STOX2: variants seen among roughly 807,000 people sequenced by gnomAD.
The protein encoded by STOX2 is storkhead-box protein 2.
In STOX2, 28 loss-of-function variants were observed where a neutral mutation model predicts 60.9. The ratio of observed to expected loss-of-function variants is 0.46; its 90% CI spans 0.34 to 0.63. STOX2 has a LOEUF of 0.63. STOX2 is among the 30% of genes least tolerant of loss of function. The pLI is 0.01. For missense variants in STOX2, 1,024 were observed against 1,187.7 expected (o/e 0.86, Z 2.03); for synonymous variants, 472 against 463.9 (o/e 1.02, Z -0.22).
chr4:183,917,623 C>A (rs576658622), intron 1 of STOX2, among the ~76,000 whole-genome samples: 2 of 152,328 alleles, frequency 1.3e-5, no homozygotes, highest in East Asian at 3.8e-4. Context: ...AGACAAGGGG[C>A]AGATGTGGAT....
At chr4:183,889,164 C>A (rs933726550) in intron 1 of STOX2, among the ~76,000 whole-genome samples, 1 of 151,916 alleles carries the variant, frequency 6.6e-6, no homozygotes. Flanking sequence ...AAGTCCTAAC[C>A]ACCTATAGCT....
chr4:183,814,257 T>A (rs868420476), intron 1 of STOX2, among the ~76,000 whole-genome samples: 8 of 152,224 alleles, frequency 5.3e-5, no homozygotes, highest in Middle Eastern at 3.2e-3. Context: ...TGATATATAA[T>A]GTCACTTAGA....
chr4:183,905,193 C>G (rs1415231855), upstream of STOX2, among the ~76,000 whole-genome samples: 2 of 152,246 alleles, frequency 1.3e-5, no homozygotes, highest in African/African-American at 4.8e-5. Context: ...GGCGTGACCT[C>G]CGGGTCCCAG....
upstream of STOX2, among the ~76,000 whole-genome samples, chr4:183,902,993 G>C (rs1741495792): frequency 6.6e-6 from 1 of 152,130 alleles, no homozygotes; most frequent in African/African-American, 2.4e-5. Context: ...TCTTTCATAT[G>C]AACAATTAAT....
intron 1 of STOX2, among the ~76,000 whole-genome samples, chr4:183,938,085 G>A (rs535475211): frequency 4.6e-5 from 7 of 152,238 alleles, no homozygotes; most frequent in African/African-American, 1.7e-4. Flanking sequence ...GAAGGTCGAG[G>A]CTGCAGTGAG....
chr4:183,807,228 T>G (rs1411368303), intron 1 of STOX2, among the ~76,000 whole-genome samples: 1 of 152,188 alleles, frequency 6.6e-6, no homozygotes, highest in Non-Finnish European at 1.5e-5. Context: ...CGTCTTGGCC[T>G]CCCAAAGTGC....
intron 1 of STOX2, among the ~76,000 whole-genome samples, chr4:183,890,625 T>C (rs1741187504): frequency 6.6e-6 from 1 of 150,882 alleles, no homozygotes; most frequent in Non-Finnish European, 1.5e-5. Context: ...AATAAAATAC[T>C]GAGCAACTCA....
rs1399867668 is a variant in STOX2, at chr4:184,001,656, A to T, written c.319+179A>T. On this transcript the variant is annotated intron_variant, in intron 2 of 3. Transcript: ENST00000308497. This position sits in a 1 kb window ranked among gnomAD's most constrained non-coding sequence, Gnocchi z 4.2. ...TCAGGCACCTGCATGACATCAAAAA[A>T]TAACTTAACTGCTTCAGCTGTAATA... Among the ~76,000 whole-genome samples, 1 of 152,184 alleles carries T rather than the reference A, an allele frequency of 6.6e-6. No individual in the cohort carries two copies. The highest frequency in any genetic ancestry group is 1.5e-5 in the Non-Finnish European group (1 of 68,032).
intron 1 of STOX2, among the ~76,000 whole-genome samples, chr4:183,989,013 C>T (rs1434561829): frequency 6.6e-6 from 1 of 152,184 alleles, no homozygotes; most frequent in Non-Finnish European, 1.5e-5. Flanking sequence ...CAGCCCAGGT[C>T]ATCCCAGAGC....
At chr4:183,911,217 G>T (rs1741771253) in intron 1 of STOX2, among the ~76,000 whole-genome samples, 1 of 152,172 alleles carries the variant, frequency 6.6e-6, no homozygotes, top group Admixed American at 6.5e-5. Context: ...TGTGGGAATA[G>T]TGCTCATTTT....
At chr4:183,842,843 T>C (rs2033623) in intron 1 of STOX2, among the ~76,000 whole-genome samples, 1 of 151,674 alleles carries the variant, frequency 6.6e-6, no homozygotes, top group Non-Finnish European at 1.5e-5. Context: ...CTTTTTTTTT[T>C]TTTTTGAAAT....
At chr4:183,902,378 C>T (rs1015859115), upstream of STOX2, among the ~76,000 whole-genome samples, 9 of 152,152 alleles carry the variant, frequency 5.9e-5, no homozygotes, top group Admixed American at 6.5e-5. Flanking sequence ...TCTAATCTGT[C>T]TGATATGAAA....
rs552717800 is a variant in STOX2, at chr4:184,017,606, A to G, written c.*322A>G. 5.5e-6 allele frequency: 1 copy of G among 182,304 alleles called. No homozygotes were observed. The highest frequency in any genetic ancestry group is 1.9e-4 in the South Asian group (1 of 5,340). The allele number at this position is 182,304 out of a possible 1,614,324, so 11.3% of individuals were successfully genotyped here. On this transcript the variant is annotated 3_prime_UTR_variant, in exon 4 of 4. Coordinates refer to ENST00000308497, the MANE Select transcript of STOX2 (RefSeq NM_020225.3). ...GCATTTTCAATGTCATGCAGTTGCC[A>G]ATTCCATTTTAAAATGCCACAGATG...
intron 1 of STOX2, among the ~76,000 whole-genome samples, chr4:183,882,055 A>G (rs1236821321): frequency 6.6e-6 from 1 of 152,250 alleles, no homozygotes; most frequent in African/African-American, 2.4e-5. Flanking sequence ...CTATGTGAGA[A>G]GTATGAGTAA....
intron 1 of STOX2, among the ~76,000 whole-genome samples, chr4:183,984,639 T>C (rs1732773635): frequency 6.6e-6 from 1 of 152,226 alleles, no homozygotes; most frequent in Non-Finnish European, 1.5e-5. Flanking sequence ...TCTAAGAGCA[T>C]GCGAGACCAT....
intron 1 of STOX2, among the ~76,000 whole-genome samples, chr4:183,987,326 G>A (rs935257622): frequency 7.2e-5 from 11 of 151,916 alleles, no homozygotes; most frequent in African/African-American, 2.7e-4. Flanking sequence ...TTTCTCTGCT[G>A]GCATAAATTC....
chr4:183,915,205 C>T (rs1165965872), intron 1 of STOX2, among the ~76,000 whole-genome samples: 4 of 152,184 alleles, frequency 2.6e-5, no homozygotes, highest in Non-Finnish European at 5.9e-5. Context: ...TATTGCCTGG[C>T]CTTATCCGTC....
rs1380110756 is a variant in STOX2, at chr4:183,996,195, G to C, written c.167-5130G>C. ...CCTAGATTTGACAAAAGTCCTCTGAGGACTGTACTTAAATGGATGTTTGTA... is the reference window on the plus strand; with the variant it reads ...CCTAGATTTGACAAAAGTCCTCTGACGACTGTACTTAAATGGATGTTTGTA... On this transcript the variant is annotated intron_variant, in intron 1 of 3. Transcript: ENST00000308497. Among the ~76,000 whole-genome samples the C allele has an allele frequency of 2.0e-5, 3 of 152,180 alleles. No individual in the cohort carries two copies. The East Asian group carries it at 5.8e-4, about 29-fold the overall frequency.
At chr4:183,949,232 T>G (rs931754335) in intron 1 of STOX2, among the ~76,000 whole-genome samples, 11 of 152,168 alleles carry the variant, frequency 7.2e-5, no homozygotes, top group Non-Finnish European at 1.5e-4. Context: ...GATCTCAAGT[T>G]GTAAACACTC....
Sources: gnomAD v4.1 joint callset for allele counts (sites outside exome capture counted in the v4.1 genomes callset) on GRCh38, gnomAD v4.1.1 for gene constraint, Gnocchi (gnomAD v3.1) non-coding constraint, MANE v1.5 for transcripts, NCBI Gene and HGNC (gene_info 2026-07-23, HGNC 2026-07-21) for gene names.